SHISA6: variants seen among roughly 807,000 people sequenced by gnomAD.
SHISA6 encodes protein shisa-6.
A neutral mutation model predicts 47.9 loss-of-function variants in SHISA6; 22 were observed. That is an observed-to-expected ratio of 0.46 (90% CI 0.33 to 0.66). SHISA6 has a LOEUF of 0.66. SHISA6 is among the 30% of genes least tolerant of loss of function. SHISA6 has a pLI of 0.02. For synonymous variants in SHISA6, 388 were observed against 337.8 expected, an observed-to-expected ratio of 1.15 and a Z score of -1.63; for missense variants, 680 against 764.6, an observed-to-expected ratio of 0.89 and a Z score of 1.30.
chr17:11,251,793 C>T (rs1029621759), intron 1 of SHISA6, among the ~76,000 whole-genome samples: 1 of 152,164 alleles, frequency 6.6e-6, no homozygotes, highest in African/African-American at 2.4e-5. Flanking sequence ...CCGGTTCTCT[C>T]AAGTCCCCTG....
rs528763474 is a variant in SHISA6 at position 11,382,474 on chromosome 17, A to C, written c.895+2965A>C. On this transcript the variant is annotated intron_variant, in intron 3 of 5. Coordinates refer to ENST00000441885, the MANE Select transcript of SHISA6 (RefSeq NM_207386.4). ...AACCATCCTCTCTTCCTTCAGAGCA[A>C]ACTAAGTTCAACTCTAAGTGCTAGC... Among the ~76,000 whole-genome samples, 6 of 152,298 alleles carry C rather than the reference A, an allele frequency of 3.9e-5. No individual in the cohort carries two copies. The South Asian group carries it at 1.2e-3, about 32-fold the overall frequency.
chr17:11,492,537 G>A (rs947582398), intron 3 of SHISA6, among the ~76,000 whole-genome samples: 1 of 152,138 alleles, frequency 6.6e-6, no homozygotes, highest in Non-Finnish European at 1.5e-5. Context: ...ATAAAATTAG[G>A]ATGATGATGG....
chr17:11,350,174 A>ATTTTTTTTTTTTTTTT (rs1310542458), intron 2 of SHISA6, among the ~76,000 whole-genome samples: 2 of 100,384 alleles, frequency 2.0e-5, no homozygotes, highest in African/African-American at 8.4e-5. Flanking sequence ...TTATTTATTT[A>ATTTTTTTTTTTTTTTT]TTTATTTATT....
At chr17:11,263,881 A>G (rs1424953945) in intron 2 of SHISA6, among the ~76,000 whole-genome samples, 1 of 152,192 alleles carries the variant, frequency 6.6e-6, no homozygotes, top group Non-Finnish European at 1.5e-5. Flanking sequence ...GATGCTAGAT[A>G]TGTGACAAGA....
chr17:11,277,364 C>G (rs994162412), intron 2 of SHISA6, among the ~76,000 whole-genome samples: 1 of 150,040 alleles, frequency 6.7e-6, no homozygotes, highest in African/African-American at 2.5e-5. Flanking sequence ...AGATCTAGAC[C>G]TGAGTGTAGC....
chr17:11,480,650 A>G (rs1322672589), intron 3 of SHISA6, among the ~76,000 whole-genome samples: 2 of 152,214 alleles, frequency 1.3e-5, no homozygotes, highest in Non-Finnish European at 2.9e-5. Flanking sequence ...TGATACCTAC[A>G]AGACAGAAAA....
At chr17:11,358,999 G>C (rs765461335) in intron 2 of SHISA6, among the ~76,000 whole-genome samples, 2 of 152,144 alleles carry the variant, frequency 1.3e-5, no homozygotes, top group Non-Finnish European at 2.9e-5. Context: ...ATTATTCCAT[G>C]TGATGTACAT....
intron 2 of SHISA6, among the ~76,000 whole-genome samples, chr17:11,360,856 C>G (rs1246691625): frequency 6.6e-6 from 1 of 150,800 alleles, no homozygotes. Context: ...TAATGTGGAG[C>G]TTCCAAAAGG....
intron 2 of SHISA6, among the ~76,000 whole-genome samples, chr17:11,305,222 A>C (rs1182719887): frequency 6.6e-6 from 1 of 152,214 alleles, no homozygotes; most frequent in Non-Finnish European, 1.5e-5. Context: ...TACACTGAAT[A>C]AGCAAGCATT....
intron 3 of SHISA6, among the ~76,000 whole-genome samples, chr17:11,477,199 T>C (rs1916072266): frequency 6.6e-6 from 1 of 152,202 alleles, no homozygotes; most frequent in Non-Finnish European, 1.5e-5. Flanking sequence ...TAGGTTTGTC[T>C]TTTGATTCAC....
At chr17:11,398,884 C>G (rs1030922079) in intron 3 of SHISA6, among the ~76,000 whole-genome samples, 3 of 152,116 alleles carry the variant, frequency 2.0e-5, no homozygotes, top group African/African-American at 7.2e-5. Flanking sequence ...AGCCACCACA[C>G]CGGGTCCCAA....
intron 3 of SHISA6, among the ~76,000 whole-genome samples, chr17:11,454,375 C>A (rs1050191643): frequency 1.3e-5 from 2 of 152,214 alleles, no homozygotes; most frequent in Non-Finnish European, 2.9e-5. Context: ...CTTCCTACAG[C>A]CTGTTCTCCA....
intron 3 of SHISA6, among the ~76,000 whole-genome samples, chr17:11,531,365 T>C (rs1469464207): frequency 1.3e-5 from 2 of 152,070 alleles, no homozygotes; most frequent in Non-Finnish European, 2.9e-5. Context: ...AAACACACGA[T>C]TCTCAGAGCA....
intron 1 of SHISA6, among the ~76,000 whole-genome samples, chr17:11,245,632 A>G (rs1210906507): frequency 6.6e-6 from 1 of 151,672 alleles, no homozygotes; most frequent in East Asian, 1.9e-4. Context: ...ATGGCTAATT[A>G]ACAGATGGGT....
chr17:11,438,441 C>G (rs1915001762), intron 3 of SHISA6, among the ~76,000 whole-genome samples: 1 of 152,154 alleles, frequency 6.6e-6, no homozygotes, highest in Admixed American at 6.5e-5. Context: ...TTCAAGATCA[C>G]TGTGCCAGCA....
chr17:11,495,273 G>T (rs1294114644), intron 3 of SHISA6, among the ~76,000 whole-genome samples: 1 of 152,190 alleles, frequency 6.6e-6, no homozygotes, highest in Non-Finnish European at 1.5e-5. Flanking sequence ...CAAGCTGACT[G>T]CTCCACCTAG....
At chr17:11,446,202 G>A (rs924886605) in intron 3 of SHISA6, among the ~76,000 whole-genome samples, 4 of 152,206 alleles carry the variant, frequency 2.6e-5, no homozygotes, top group Non-Finnish European at 5.9e-5. Flanking sequence ...ATCAAGTGAA[G>A]GAGGACTCTG....
chr17:11,394,496 T>A (rs1261247330), intron 3 of SHISA6, among the ~76,000 whole-genome samples: 1 of 152,192 alleles, frequency 6.6e-6, no homozygotes, highest in Non-Finnish European at 1.5e-5. Flanking sequence ...CACTCAATCA[T>A]ATACATTTTT....
intron 2 of SHISA6, among the ~76,000 whole-genome samples, chr17:11,291,043 T>G (rs1360238368): frequency 6.6e-6 from 1 of 151,836 alleles, no homozygotes; most frequent in East Asian, 1.9e-4. Context: ...AATTTATTAA[T>G]AATAAATTAT....
Sources: gnomAD v4.1 joint callset for allele counts (sites outside exome capture counted in the v4.1 genomes callset) on GRCh38, gnomAD v4.1.1 for gene constraint, MANE v1.5 for transcripts, NCBI Gene and HGNC (gene_info 2026-07-23, HGNC 2026-07-21) for gene names.